Variants in SETBP1 observed in about 807,000 individuals in gnomAD.
SETBP1 encodes the protein SET-binding protein.
Under a neutral mutation model 101.0 loss-of-function variants are expected in SETBP1, and 9 were observed. The observed-to-expected ratio is 0.09, with a 90% CI of 0.05 to 0.16. The LOEUF is 0.16. Among genes scored for constraint, SETBP1 ranks in the 10% least tolerant of loss-of-function variants. The pLI is 1.00. For synonymous variants in SETBP1, 818 were observed against 788.5 expected (o/e 1.04, Z -0.63); for missense variants, 1,858 against 2,033.8 (o/e 0.91, Z 1.66).
At chr18:44,680,853 G>C (rs2068748706), upstream of SETBP1, 1 of 127,426 alleles carries the variant, frequency 7.8e-6, no homozygotes, top group East Asian at 2.3e-4. Context: ...GGTAAGGAAA[G>C]GGGTGGGAAG....
intron 2 of SETBP1, among the ~76,000 whole-genome samples, chr18:44,823,879 C>A (rs540469236): frequency 1.3e-5 from 2 of 152,254 alleles, no homozygotes; most frequent in South Asian, 4.1e-4. Flanking sequence ...GAGGTTAAAA[C>A]CATTTGGTTA....
intron 2 of SETBP1, among the ~76,000 whole-genome samples, chr18:44,857,625 C>A (rs1031579815): frequency 1.3e-5 from 2 of 152,136 alleles, no homozygotes; most frequent in Admixed American, 6.5e-5. Context: ...GCAGCTACTT[C>A]CAGTCCTGCT....
At chr18:44,948,503 A>AGATAGATAGATAGAT (rs2071262338) in intron 3 of SETBP1, among the ~76,000 whole-genome samples, 1 of 144,124 alleles carries the variant, frequency 6.9e-6, no homozygotes, top group African/African-American at 2.7e-5. Context: ...GATAGATGAT[A>AGATAGATAGATAGAT]GATAGATAGA....
intron 2 of SETBP1, among the ~76,000 whole-genome samples, chr18:44,710,652 A>G (rs1047123987): frequency 3.3e-5 from 5 of 151,980 alleles, no homozygotes; most frequent in African/African-American, 4.8e-5. Context: ...AGGTTTCACT[A>G]TGTTGGCCAG....
intron 5 of SETBP1, among the ~76,000 whole-genome samples, chr18:45,042,896 A>G (rs900564102): frequency 2.0e-5 from 3 of 152,168 alleles, no homozygotes; most frequent in Non-Finnish European, 4.4e-5. Flanking sequence ...CAAACTGCTC[A>G]ATAGCTATTG....
At chr18:44,978,801 T>G (rs548325576) in intron 4 of SETBP1, among the ~76,000 whole-genome samples, 1,909 of 152,288 alleles carry the variant, frequency 0.013, 38 homozygotes, top group African/African-American at 0.043. Context: ...TGCAGTGAGT[T>G]GGAGCTATTG....
At position 44,816,798 on chromosome 18, in the gene SETBP1, A is replaced by C. The variant is rs563811807; in HGVS notation, c.487-52432A>C. ...AACAAAGAAGCAGTTAGGATTTTTA[A>C]AAAAACACCTTTCAAATTTGTCACT... On this transcript the variant is annotated intron_variant, in intron 2 of 5. Transcript: ENST00000649279. 3.9e-4 allele frequency among the ~76,000 whole-genome samples: 60 copies of C among 152,268 alleles called. 1 individual carries two copies. Among genetic ancestry groups the C allele is most frequent in the African/African-American group, 1.4e-3 (60 of 41,558 alleles).
intron 2 of SETBP1, among the ~76,000 whole-genome samples, chr18:44,798,267 G>C (rs1599142229): frequency 6.6e-6 from 1 of 152,054 alleles, no homozygotes; most frequent in East Asian, 1.9e-4. Flanking sequence ...CAAAAAAAAT[G>C]GTGTTCAAAA....
intron 5 of SETBP1, among the ~76,000 whole-genome samples, chr18:45,040,805 G>A (rs2073493384): frequency 6.6e-6 from 1 of 152,348 alleles, no homozygotes; most frequent in South Asian, 2.1e-4. Flanking sequence ...GTTGCAGGAT[G>A]CAAGAATGGG....
At chr18:44,854,322 G>A (rs1157393478) in intron 2 of SETBP1, among the ~76,000 whole-genome samples, 1 of 152,178 alleles carries the variant, frequency 6.6e-6, no homozygotes, top group Non-Finnish European at 1.5e-5. Context: ...GACTCACTGC[G>A]TTTATCTGGG....
chr18:44,963,329 G>A lies in SETBP1; in HGVS notation c.4000+9989G>A, dbSNP rs373148648. Among the ~76,000 whole-genome samples, 74 of 152,224 alleles carry A rather than the reference G, an allele frequency of 4.9e-4. 1 individual carries two copies. Among genetic ancestry groups the A allele is most frequent in the African/African-American group, 1.7e-3 (69 of 41,552 alleles). On this transcript the variant is annotated intron_variant, in intron 4 of 5. Transcript: ENST00000649279. ...AAATAGGATATTTTACATACAAAGG[G>A]AGCTCTTTGGAACTGGGGTTAGCCA...
intron 4 of SETBP1, among the ~76,000 whole-genome samples, chr18:44,993,011 T>C (rs1208815550): frequency 6.6e-6 from 1 of 151,880 alleles, no homozygotes; most frequent in East Asian, 1.9e-4. Flanking sequence ...CATTAGAAAA[T>C]AGATAAATAC....
chr18:45,014,246 G>A (rs1254478203), intron 4 of SETBP1, among the ~76,000 whole-genome samples: 1 of 152,148 alleles, frequency 6.6e-6, no homozygotes. Flanking sequence ...CAAGGAGGTG[G>A]AGATCAGAGG....
intron 2 of SETBP1, among the ~76,000 whole-genome samples, chr18:44,827,731 C>A (rs568230243): frequency 6.6e-6 from 1 of 152,186 alleles, no homozygotes; most frequent in East Asian, 1.9e-4. Flanking sequence ...AAACATTAGG[C>A]GATCAAAGCA....
At chr18:45,017,426 T>C (rs2072971219) in intron 4 of SETBP1, among the ~76,000 whole-genome samples, 1 of 152,120 alleles carries the variant, frequency 6.6e-6, no homozygotes, top group South Asian at 2.1e-4. Context: ...CCCCTCCAGC[T>C]CTAAGGACCT....
rs183421287 is a variant in SETBP1, at chr18:44,964,687, A to C, written c.4000+11347A>C. On this transcript the variant is annotated intron_variant, in intron 4 of 5. Coordinates refer to ENST00000649279, the MANE Select transcript of SETBP1 (RefSeq NM_015559.3). ...CCACTGCCCAGAAATAGCCACCATG[A>C]TAATGTAAATGCACAGGTCCCCAGC... 1.9e-3 allele frequency among the ~76,000 whole-genome samples: 289 copies of C among 152,160 alleles called. 2 individuals carry two copies. The highest frequency in any genetic ancestry group is 3.4e-3 in the Middle Eastern group (1 of 290).
chr18:44,837,711 T>C (rs1002759292), intron 2 of SETBP1, among the ~76,000 whole-genome samples: 1 of 152,226 alleles, frequency 6.6e-6, no homozygotes, highest in African/African-American at 2.4e-5. Flanking sequence ...GCATGACAGC[T>C]GCCCAGCTCC....
chr18:44,897,373 G>A (rs540121141), intron 3 of SETBP1, among the ~76,000 whole-genome samples: 1 of 152,074 alleles, frequency 6.6e-6, no homozygotes, highest in South Asian at 2.1e-4. Flanking sequence ...AAGACAATAT[G>A]GTGCTTCTAT....
At chr18:44,693,838 G>A (rs1021016224) in intron 1 of SETBP1, among the ~76,000 whole-genome samples, 5 of 152,124 alleles carry the variant, frequency 3.3e-5, no homozygotes, top group Admixed American at 6.6e-5. Flanking sequence ...TCTACTGTAT[G>A]GGCAGCTTGA....
Sources: allele counts gnomAD v4.1 joint callset (sites outside exome capture counted in the v4.1 genomes callset), GRCh38; gene constraint gnomAD v4.1.1; transcripts MANE v1.5; gene names NCBI Gene and HGNC (gene_info 2026-07-23, HGNC 2026-07-21).